Variants in FBXO3 observed in about 807,000 individuals in gnomAD.
The protein encoded by FBXO3 is F-box protein 3.
In FBXO3, 17 loss-of-function variants were observed where a neutral mutation model predicts 64.8. The ratio of observed to expected loss-of-function variants is 0.26; its 90% CI spans 0.18 to 0.39. The LOEUF (loss-of-function observed/expected upper bound fraction) is 0.39, where lower values mean the gene tolerates loss of function less well. Among genes scored for constraint, FBXO3 ranks in the 10% least tolerant of loss-of-function variants. The probability of loss-of-function intolerance (pLI) is 1.00; values close to 1 mark genes in which losing one functional copy is unlikely to be tolerated. For missense variants in FBXO3, 420 were observed against 589.9 expected (o/e 0.71, Z 2.98); for synonymous variants, 182 against 201.6 (o/e 0.90, Z 0.82).
At chr11:33,773,799 T>A (rs1390260359) in intron 1 of FBXO3, 2 of 152,452 alleles carry the variant, frequency 1.3e-5, no homozygotes, top group African/African-American at 4.8e-5. Flanking sequence ...AAACATAAAA[T>A]CCAACATCGA....
At chr11:33,769,706 A>C (rs1434924918) in intron 2 of FBXO3, among the ~76,000 whole-genome samples, 2 of 152,020 alleles carry the variant, frequency 1.3e-5, no homozygotes, top group Non-Finnish European at 2.9e-5. Context: ...TGAATATAGA[A>C]GGAGGGAGAG....
At chr11:33,747,009 T>C in intron 10 of FBXO3, 121 bp downstream of exon 10, 1 of 1,504,656 alleles carries the variant, frequency 6.6e-7, no homozygotes, top group Non-Finnish European at 8.8e-7. Context: ...CCCAAGATAC[T>C]TTCTCAAAAT....
intron 4 of FBXO3, among the ~76,000 whole-genome samples, chr11:33,757,672 A>AAAAAAAAAAAAAAAAAAT (rs1311954245): frequency 7.0e-6 from 1 of 143,744 alleles, no homozygotes. Flanking sequence ...AAAAAAAAAA[A>AAAAAAAAAAAAAAAAAAT]AAAAAAAAAG....
chr11:33,768,308 G>A (rs183253889), intron 3 of FBXO3, among the ~76,000 whole-genome samples: 141 of 152,266 alleles, frequency 9.3e-4, no homozygotes, highest in Admixed American at 2.0e-3. Context: ...AGCATATTCT[G>A]GAGTTGAACA....
chr11:33,770,368 T>C (rs1855482219), intron 2 of FBXO3, among the ~76,000 whole-genome samples: 1 of 152,264 alleles, frequency 6.6e-6, no homozygotes, highest in East Asian at 1.9e-4. Flanking sequence ...ACTTTGATTC[T>C]GTCAAATTTG....
chr11:33,745,389 T>C (rs1425330891), intron 10 of FBXO3: 3 of 150,288 alleles, frequency 2.0e-5, no homozygotes, highest in South Asian at 2.1e-4. Context: ...TTCCCCAAAA[T>C]AGCAGAATGT....
At chr11:33,763,914 T>C (rs936966987) in intron 3 of FBXO3, among the ~76,000 whole-genome samples, 3 of 152,146 alleles carry the variant, frequency 2.0e-5, no homozygotes, top group East Asian at 3.8e-4. Context: ...ATAAAAAGAA[T>C]GACAACATTA....
chr11:33,757,052 C>A (rs778724844), intron 4 of FBXO3: 2 of 518,732 alleles, frequency 3.9e-6, no homozygotes, highest in Non-Finnish European at 7.7e-6. Context: ...CTTCTGAATA[C>A]CTTATAATCT....
chr11:33,767,290 T>A (rs956900360), intron 3 of FBXO3, among the ~76,000 whole-genome samples: 1 of 149,182 alleles, frequency 6.7e-6, no homozygotes, highest in South Asian at 2.1e-4. Flanking sequence ...AACAACTTAG[T>A]TTTTTTTTTG....
intron 10 of FBXO3, chr11:33,742,342 A>AT (rs1193718950): frequency 1.2e-5 from 3 of 256,958 alleles, no homozygotes; most frequent in African/African-American, 2.2e-5. Context: ...AAAAATTATT[A>AT]TTTTTTCTTA....
chr11:33,747,779 T>C (rs1253193145), intron 9 of FBXO3, among the ~76,000 whole-genome samples: 4 of 151,898 alleles, frequency 2.6e-5, no homozygotes, highest in Admixed American at 2.6e-4. Context: ...CCCAAAGTTC[T>C]GGGATATCAG....
intron 4 of FBXO3, among the ~76,000 whole-genome samples, chr11:33,757,990 C>T (rs1192800035): frequency 6.6e-6 from 1 of 151,322 alleles, no homozygotes; most frequent in Non-Finnish European, 1.5e-5. Flanking sequence ...ATAAATACTT[C>T]ATTCTTTAGA....
intron 3 of FBXO3, among the ~76,000 whole-genome samples, chr11:33,759,923 G>T (rs1379788427): frequency 6.6e-6 from 1 of 152,140 alleles, no homozygotes; most frequent in Non-Finnish European, 1.5e-5. Flanking sequence ...CACTGAAAGG[G>T]TTTAACAGCA....
At chr11:33,774,305 T>C in intron 1 of FBXO3, 89 bp downstream of exon 1, 2 of 1,127,886 alleles carry the variant, frequency 1.8e-6, no homozygotes, top group Non-Finnish European at 2.6e-6. Flanking sequence ...GAAGCTCGGG[T>C]CCTGTCAGCG....
intron 3 of FBXO3, among the ~76,000 whole-genome samples, chr11:33,762,890 C>T (rs542743017): frequency 6.6e-6 from 1 of 151,962 alleles, no homozygotes; most frequent in African/African-American, 2.4e-5. Flanking sequence ...TGAAGAAAAA[C>T]AGCAAAAGTA....
chr11:33,751,705 T>A, intron 6 of FBXO3, 98 bp from the exon 7 acceptor site: 1 of 619,146 alleles, frequency 1.6e-6, no homozygotes. Context: ...TAGAATGTGA[T>A]ACCAAAACTA....
At position 33,769,011 on chromosome 11, in the gene FBXO3, T is replaced by C. The variant is rs1010024157; in HGVS notation, c.198A>G (p.Glu66=). The C allele has an allele frequency of 6.3e-7, 1 of 1,595,136 alleles. No homozygotes were observed. Among genetic ancestry groups the C allele is most frequent in the Non-Finnish European group, 8.5e-7 (1 of 1,174,572 alleles). ...HCKKYWLISE[E]EKTQKNQCWK... is the part of the protein sequence containing the mutation. Reference sequence around the variant, plus strand: ...AACACTGATTCTTCTGTGTTTTCTCTTCCCTAAATAGATGAAAAACATGAG... The same window carrying C: ...AACACTGATTCTTCTGTGTTTTCTCCTCCCTAAATAGATGAAAAACATGAG... Residue 66 remains glutamate, a synonymous_variant, in exon 3 of 11, where the codon GAA becomes GAG. Transcript: ENST00000265651.
At chr11:33,759,030 A>G (rs1410139275) in intron 3 of FBXO3, among the ~76,000 whole-genome samples, 2 of 152,156 alleles carry the variant, frequency 1.3e-5, no homozygotes, top group African/African-American at 4.8e-5. Context: ...GGTATGGTTC[A>G]TGTGTGAGGA....
intron 10 of FBXO3, 101 bp from the exon 11 acceptor site, chr11:33,742,185 G>T: frequency 8.9e-7 from 1 of 1,118,280 alleles, no homozygotes; most frequent in Non-Finnish European, 1.2e-6. Flanking sequence ...AACCAGACAC[G>T]CCAAATATGA....
Sources: allele counts gnomAD v4.1 joint callset (sites outside exome capture counted in the v4.1 genomes callset), GRCh38; gene constraint gnomAD v4.1.1; transcripts MANE v1.5; gene names NCBI Gene and HGNC (gene_info 2026-07-23, HGNC 2026-07-21).